The following GRIP1 variants were observed in gnomAD, a reference collection of about 807,000 sequenced individuals.
GRIP1 encodes the protein glutamate receptor interacting protein 1, also known as glutamate receptor-interacting protein 1.
In GRIP1, 45 loss-of-function variants were observed where a neutral mutation model predicts 129.9. The observed-to-expected ratio is 0.35, with a 90% CI of 0.27 to 0.44. The LOEUF is 0.44. GRIP1 is among the 20% of genes least tolerant of loss of function. The pLI is 1.00. For synonymous variants in GRIP1, 530 were observed against 520.8 expected (o/e 1.02, Z -0.24); for missense variants, 1,196 against 1,396.8 (o/e 0.86, Z 2.29).
intron 19 of GRIP1, among the ~76,000 whole-genome samples, chr12:66,390,345 G>C (rs1000010541): frequency 2.6e-5 from 4 of 152,054 alleles, no homozygotes; most frequent in Non-Finnish European, 4.4e-5. Context: ...TATATAAAGG[G>C]TTATTACTAT....
chr12:66,386,351 C>T (rs117234222), intron 19 of GRIP1, among the ~76,000 whole-genome samples: 1,958 of 152,176 alleles, frequency 0.013, 33 homozygotes, highest in South Asian at 0.019. Flanking sequence ...ATTCAATTTT[C>T]GGCCGGGCGC....
chr12:66,930,246 TCCCTCCC>T (rs1396690632), intron 1 of GRIP1, among the ~76,000 whole-genome samples: 2 of 109,204 alleles, frequency 1.8e-5, no homozygotes, highest in Non-Finnish European at 3.7e-5. Context: ...CCCGATGCTA[TCCCTCCC>T]CCCTCCCCCC....
intron 1 of GRIP1, among the ~76,000 whole-genome samples, chr12:66,661,143 G>GA (rs1408429983): frequency 6.6e-6 from 1 of 151,868 alleles, no homozygotes; most frequent in South Asian, 2.1e-4. Context: ...AGAAATACTT[G>GA]AAAAAATGGC....
chr12:66,565,389 C>G (rs987217055), intron 2 of GRIP1, among the ~76,000 whole-genome samples: 7 of 152,216 alleles, frequency 4.6e-5, no homozygotes, highest in South Asian at 4.2e-4. Flanking sequence ...GAATCCTTTC[C>G]CCATTTCTTG....
At chr12:66,520,907 A>C (rs1380820695) in intron 5 of GRIP1, among the ~76,000 whole-genome samples, 2 of 152,208 alleles carry the variant, frequency 1.3e-5, no homozygotes, top group Non-Finnish European at 2.9e-5. Context: ...TCTCGTTCAG[A>C]TCTGTATTGC....
intron 1 of GRIP1, among the ~76,000 whole-genome samples, chr12:66,776,583 TAAAG>T (rs2037986476): frequency 6.6e-6 from 1 of 152,164 alleles, no homozygotes; most frequent in Admixed American, 6.5e-5. Flanking sequence ...AAGCTTATAA[TAAAG>T]AGTGGAACAC....
intron 1 of GRIP1, among the ~76,000 whole-genome samples, chr12:66,973,378 C>CTT (rs55729292): frequency 3.9e-4 from 51 of 129,496 alleles, no homozygotes; most frequent in African/African-American, 1.3e-3. Flanking sequence ...CTTTTTCATT[C>CTT]TTTTTTTTTT....
intron 1 of GRIP1, among the ~76,000 whole-genome samples, chr12:66,607,909 A>G (rs186717353): frequency 1.3e-5 from 2 of 152,242 alleles, no homozygotes; most frequent in East Asian, 1.9e-4. Flanking sequence ...ACTTTTTTAT[A>G]GACTTTAGTT....
intron 1 of GRIP1, among the ~76,000 whole-genome samples, chr12:66,919,654 T>A (rs2041181831): frequency 6.6e-6 from 1 of 152,136 alleles, no homozygotes; most frequent in South Asian, 2.1e-4. Flanking sequence ...GAATTTGGTT[T>A]GGGGCTTGAC....
At chr12:66,406,510 C>T in intron 15 of GRIP1, 82 bp from the exon 16 acceptor site, 1 of 1,306,200 alleles carries the variant, frequency 7.7e-7, no homozygotes, top group Non-Finnish European at 1.1e-6. Flanking sequence ...CATAATGCAG[C>T]ATTATGGTAG....
chr12:67,053,383 A>G (rs1565657722), intron 1 of GRIP1, among the ~76,000 whole-genome samples: 1 of 152,190 alleles, frequency 6.6e-6, no homozygotes. Flanking sequence ...CACTTAACAA[A>G]TATTAAACAT....
At chr12:66,730,721 A>AC (rs1565992618) in intron 1 of GRIP1, among the ~76,000 whole-genome samples, 1 of 150,990 alleles carries the variant, frequency 6.6e-6, no homozygotes, top group Non-Finnish European at 1.5e-5. Context: ...AAAAAAAAAA[A>AC]CTCATACATG....
In GRIP1 at chr12:66,543,396, A is replaced by AT. The variant is rs1214996645; in HGVS notation, c.137-1447dup. 8.5e-5 allele frequency among the ~76,000 whole-genome samples: 13 copies of AT among 152,332 alleles called. No homozygotes were observed. The South Asian group carries it at 2.5e-3, about 29-fold the overall frequency. On this transcript the variant is annotated intron_variant, in intron 2 of 24. Transcript: ENST00000359742. ...GTATGATGTCAGCTTCATCTACTAC[A>AT]TTTTGTATGACAGACCAAATAAAAA...
chr12:66,364,800 A>C (rs1592697591), intron 23 of GRIP1, among the ~76,000 whole-genome samples: 1 of 152,024 alleles, frequency 6.6e-6, no homozygotes, highest in East Asian at 1.9e-4. Context: ...GCTCAAAAGA[A>C]CGCAACAGCT....
At chr12:66,412,245 G>A (rs926439421) in intron 15 of GRIP1, among the ~76,000 whole-genome samples, 2 of 152,124 alleles carry the variant, frequency 1.3e-5, no homozygotes, top group Non-Finnish European at 2.9e-5. Context: ...AAGCCAGGAC[G>A]CCTACAAAGG....
intron 1 of GRIP1, among the ~76,000 whole-genome samples, chr12:66,631,729 T>G (rs1352083072): frequency 6.6e-6 from 1 of 152,200 alleles, no homozygotes; most frequent in Non-Finnish European, 1.5e-5. Context: ...GATGACAAAT[T>G]ACAGCATAGT....
At chr12:66,609,403 T>G (rs1005334187) in intron 1 of GRIP1, among the ~76,000 whole-genome samples, 2 of 152,148 alleles carry the variant, frequency 1.3e-5, no homozygotes, top group Admixed American at 6.6e-5. Context: ...TTATTTAAGC[T>G]ATGGGCTATC....
intron 1 of GRIP1, among the ~76,000 whole-genome samples, chr12:66,910,615 C>G (rs184348253): frequency 1.3e-5 from 2 of 152,126 alleles, no homozygotes; most frequent in African/African-American, 4.8e-5. Context: ...CACACCTTCT[C>G]TTAACCTCAA....
rs563009205 is a variant in GRIP1, at chr12:66,520,445, C to A, written c.503-2469G>T. ...AACATATTAAGGGAGTTATTAAGGC[C>A]TATAAAAATGCGGTCCTCATAAACT... On this transcript the variant is annotated intron_variant, in intron 5 of 24. Transcript: ENST00000359742. Among the ~76,000 whole-genome samples the A allele has an allele frequency of 7.2e-5, 11 of 152,274 alleles. No homozygotes were observed. In the South Asian group the frequency reaches 2.3e-3, roughly 32 times the overall value.
Sources: allele counts gnomAD v4.1 joint callset (sites outside exome capture counted in the v4.1 genomes callset), GRCh38; gene constraint gnomAD v4.1.1; transcripts MANE v1.5; gene names NCBI Gene and HGNC (gene_info 2026-07-23, HGNC 2026-07-21).